Variants in AHI1 observed in about 807,000 individuals in gnomAD.
AHI1 encodes the protein jouberin.
AHI1 carries 123 observed loss-of-function variants against 149.3 expected under a neutral mutation model. That is an observed-to-expected ratio of 0.82 (90% CI 0.71 to 0.96). The LOEUF (loss-of-function observed/expected upper bound fraction) is 0.96, where lower values mean the gene tolerates loss of function less well. Ranked by LOEUF, AHI1 falls within the 40% of genes least tolerant of loss-of-function variation. The pLI, the probability that AHI1 is intolerant of heterozygous loss-of-function variation, is 0.00. For synonymous variants in AHI1, 475 were observed against 459.8 expected, an observed-to-expected ratio of 1.03 and a Z score of -0.42; for missense variants, 1,439 against 1,422.7, an observed-to-expected ratio of 1.01 and a Z score of -0.18.
intron 27 of AHI1, among the ~76,000 whole-genome samples, chr6:135,297,143 G>C (rs553887379): frequency 8.5e-4 from 130 of 152,284 alleles, no homozygotes; most frequent in Non-Finnish European, 1.5e-3. Flanking sequence ...GACAAATAAT[G>C]TTTGCTCAGG....
intron 20 of AHI1, among the ~76,000 whole-genome samples, chr6:135,423,039 CA>C (rs1473124765): frequency 1.3e-5 from 2 of 152,074 alleles, no homozygotes; most frequent in South Asian, 4.2e-4. Context: ...GGCTTTACAC[CA>C]ACTGTGTTAC....
At chr6:135,341,023 G>A (rs1274770022) in intron 24 of AHI1, among the ~76,000 whole-genome samples, 2 of 151,806 alleles carry the variant, frequency 1.3e-5, no homozygotes, top group African/African-American at 4.8e-5. Context: ...GCCCAAAAGT[G>A]AGTAACGGTG....
At chr6:135,350,671 G>C (rs1302422882) in intron 24 of AHI1, among the ~76,000 whole-genome samples, 1 of 152,178 alleles carries the variant, frequency 6.6e-6, no homozygotes. Context: ...CTTTTGAAAA[G>C]TTAACATTTA....
intron 26 of AHI1, among the ~76,000 whole-genome samples, chr6:135,311,118 A>G (rs1172635675): frequency 1.3e-5 from 2 of 151,988 alleles, no homozygotes; most frequent in African/African-American, 4.8e-5. Flanking sequence ...CCTGGCCAGC[A>G]TGGTGAAACC....
At chr6:135,425,129 C>T (rs1783750277) in intron 20 of AHI1, among the ~76,000 whole-genome samples, 1 of 151,810 alleles carries the variant, frequency 6.6e-6, no homozygotes, top group Admixed American at 6.6e-5. Context: ...TGTGTTGAAA[C>T]ATTTTTTAGT....
At chr6:135,471,881 G>A (rs981326585) in intron 5 of AHI1, among the ~76,000 whole-genome samples, 6 of 151,334 alleles carry the variant, frequency 4.0e-5, no homozygotes, top group Non-Finnish European at 7.4e-5. Context: ...GCGCGGTGGC[G>A]GGCACCTGTA....
intron 26 of AHI1, among the ~76,000 whole-genome samples, chr6:135,317,563 G>A (rs1269156247): frequency 1.3e-5 from 2 of 151,440 alleles, no homozygotes; most frequent in East Asian, 3.9e-4. Flanking sequence ...CCAATATACT[G>A]TGTACATATC....
At chr6:135,413,127 G>C (rs1203679897) in intron 20 of AHI1, among the ~76,000 whole-genome samples, 4 of 152,042 alleles carry the variant, frequency 2.6e-5, no homozygotes, top group Non-Finnish European at 5.9e-5. Context: ...CTAGGAGTTT[G>C]AGACCAGCCC....
intron 8 of AHI1, among the ~76,000 whole-genome samples, chr6:135,460,433 C>A (rs187344003): frequency 3.3e-5 from 5 of 152,076 alleles, no homozygotes; most frequent in Admixed American, 6.6e-5. Context: ...AAGTGCATAC[C>A]AAATTCATAG....
intron 23 of AHI1, among the ~76,000 whole-genome samples, chr6:135,378,094 T>C (rs2128464385): frequency 6.6e-6 from 1 of 152,284 alleles, no homozygotes; most frequent in East Asian, 1.9e-4. Context: ...CAAGGGATAA[T>C]TTATTAGTAT....
intron 24 of AHI1, among the ~76,000 whole-genome samples, chr6:135,345,703 G>A (rs1055881289): frequency 9.2e-5 from 14 of 152,048 alleles, no homozygotes; most frequent in Admixed American, 9.2e-4. Flanking sequence ...TTCTTCTGGG[G>A]GGGCAACGAA....
chr6:135,451,534 T>C (rs186809268), intron 11 of AHI1, among the ~76,000 whole-genome samples: 2 of 152,048 alleles, frequency 1.3e-5, no homozygotes, highest in Non-Finnish European at 2.9e-5. Flanking sequence ...TCTAAAAAGC[T>C]TACAGTCTAA....
chr6:135,433,163 T>C lies in AHI1; in HGVS notation c.2130A>G (p.Arg710=). ...CATAGCATCCTGTAACTACTAGCTCTCTTACAGCTGGATGGAATTTAGCCG... is the reference window on the plus strand; with the variant it reads ...CATAGCATCCTGTAACTACTAGCTCCCTTACAGCTGGATGGAATTTAGCCG... ...VYTAKFHPAV[R]ELVVTGCYDS... The change falls in exon 16 of 29, where the codon AGA becomes AGG. Residue 710 remains arginine, a synonymous_variant. Transcript: ENST00000265602. 2 of 1,613,084 alleles carry C rather than the reference T, an allele frequency of 1.2e-6. No homozygotes were observed. Among genetic ancestry groups the C allele is most frequent in the Non-Finnish European group, 1.7e-6 (2 of 1,179,120 alleles).
chr6:135,466,441 ATAAT>A (rs1398448140), intron 6 of AHI1, 68 bp from the exon 7 acceptor site: 8 of 1,322,240 alleles, frequency 6.1e-6, no homozygotes, highest in African/African-American at 4.4e-5. Context: ...GAAAAACCTA[ATAAT>A]TAATATTTGA....
In AHI1 at chr6:135,323,256, GATA is replaced by G. The variant is rs959972068; in HGVS notation, c.3231_3233del (p.Ile1078del). ...CTTCATTATCTTTGAAAAACACTCGGATAATGTCTCCGCGATGGATGGTTAGTT... is the reference window on the plus strand; with the variant it reads ...CTTCATTATCTTTGAAAAACACTCGGATGTCTCCGCGATGGATGGTTAGTT... On this transcript the variant is annotated inframe_deletion, in exon 25 of 29. Transcript: ENST00000265602. 7.4e-6 allele frequency: 12 copies of G among 1,613,684 alleles called. No homozygotes were observed. The highest frequency in any genetic ancestry group is 1.0e-5 in the Non-Finnish European group (12 of 1,179,830).
At chr6:135,483,125 C>T (rs949082692) in intron 5 of AHI1, among the ~76,000 whole-genome samples, 1 of 151,134 alleles carries the variant, frequency 6.6e-6, no homozygotes, top group South Asian at 2.1e-4. Flanking sequence ...GTCTTGAACT[C>T]CTGACTTCGT....
chr6:135,284,902 A>AGAG lies in AHI1; in HGVS notation c.*740_*742dup, dbSNP rs544167577. On this transcript the variant is annotated 3_prime_UTR_variant, in exon 29 of 29. Coordinates refer to ENST00000265602, the MANE Select transcript of AHI1 (RefSeq NM_001134831.2). Reference sequence around the variant, plus strand: ...CTTATCTTTTTTGTTTTTTGGAGATAGAGTCTTGCTCTGTCCCCCAGGCTG... The same window carrying AGAG: ...CTTATCTTTTTTGTTTTTTGGAGATAGAGGAGTCTTGCTCTGTCCCCCAGGCTG... 84 of 152,252 alleles carry AGAG rather than the reference A, an allele frequency of 5.5e-4. No homozygotes were observed. The highest frequency in any genetic ancestry group is 1.9e-3 in the African/African-American group (80 of 41,534). 9.4% of individuals were successfully genotyped at this position (152,252 alleles called of 1,614,324 possible). A position where few individuals can be genotyped will look rare whatever the true frequency, so the allele number is the denominator to read the frequency against.
intron 7 of AHI1, among the ~76,000 whole-genome samples, chr6:135,464,633 C>T (rs567246653): frequency 2.0e-4 from 30 of 152,304 alleles, no homozygotes; most frequent in African/African-American, 7.2e-4. Context: ...AGCCCTTGGT[C>T]TGGGGAAGCA....
intron 26 of AHI1, chr6:135,302,596 C>A: frequency 8.9e-7 from 1 of 1,128,216 alleles, no homozygotes; most frequent in Non-Finnish European, 1.1e-6. Context: ...AGCCTGTGTT[C>A]AAATTATATG....
Sources: gnomAD v4.1 joint callset for allele counts (sites outside exome capture counted in the v4.1 genomes callset) on GRCh38, gnomAD v4.1.1 for gene constraint, MANE v1.5 for transcripts, NCBI Gene and HGNC (gene_info 2026-07-23, HGNC 2026-07-21) for gene names.